Variants in SLC4A10 observed in about 807,000 individuals in gnomAD.
SLC4A10 encodes the protein solute carrier family 4 member 10.
SLC4A10 carries 42 observed loss-of-function variants against 137.7 expected under a neutral mutation model. The ratio of observed to expected loss-of-function variants is 0.30; its 90% CI spans 0.24 to 0.39. The LOEUF is 0.39. Ranked by LOEUF, SLC4A10 falls within the 10% of genes least tolerant of loss-of-function variation. The pLI is 1.00. For missense variants in SLC4A10, 925 were observed against 1,355.0 expected, an observed-to-expected ratio of 0.68 and a Z score of 4.98; for synonymous variants, 474 against 464.1, an observed-to-expected ratio of 1.02 and a Z score of -0.27.
chr2:161,866,327 C>G (rs2060746096), intron 6 of SLC4A10, among the ~76,000 whole-genome samples: 1 of 151,950 alleles, frequency 6.6e-6, no homozygotes, highest in Admixed American at 6.6e-5. Context: ...GTCTACCATT[C>G]TTTGTCCATT....
At chr2:161,766,744 T>TC (rs1487594653) in intron 1 of SLC4A10, among the ~76,000 whole-genome samples, 1 of 152,024 alleles carries the variant, frequency 6.6e-6, no homozygotes, top group Non-Finnish European at 1.5e-5. Flanking sequence ...GTTTTTTTTT[T>TC]CTGTTGCTTT....
intron 1 of SLC4A10, among the ~76,000 whole-genome samples, chr2:161,693,430 T>G (rs986894323): frequency 1.1e-4 from 16 of 152,094 alleles, no homozygotes; most frequent in African/African-American, 3.9e-4. Flanking sequence ...TTTAAACTGT[T>G]GTCTACTTCC....
chr2:161,853,745 T>C (rs2125850258), intron 4 of SLC4A10, among the ~76,000 whole-genome samples: 1 of 152,338 alleles, frequency 6.6e-6, no homozygotes, highest in Admixed American at 6.5e-5. Flanking sequence ...ATATGGCATA[T>C]CTATTCTTAC....
At chr2:161,861,098 C>T (rs979187828) in intron 5 of SLC4A10, among the ~76,000 whole-genome samples, 37 of 152,140 alleles carry the variant, frequency 2.4e-4, no homozygotes, top group African/African-American at 8.2e-4. Context: ...CCTACAATGC[C>T]TAAAATATTT....
chr2:161,815,378 C>G (rs1170050537), intron 3 of SLC4A10, among the ~76,000 whole-genome samples: 1 of 152,118 alleles, frequency 6.6e-6, no homozygotes, highest in Non-Finnish European at 1.5e-5. Flanking sequence ...TTTGCTCGCT[C>G]GCTCTTCTGC....
chr2:161,628,500 A>G (rs897476732), intron 1 of SLC4A10, among the ~76,000 whole-genome samples: 13 of 152,088 alleles, frequency 8.5e-5, no homozygotes, highest in African/African-American at 3.1e-4. Context: ...AAAAAGTTAT[A>G]AAAAGTCTTT....
intron 1 of SLC4A10, among the ~76,000 whole-genome samples, chr2:161,686,808 T>C (rs4404284): frequency 0.92 from 140,440 of 152,070 alleles, 64,889 homozygotes; most frequent in East Asian, 1. Context: ...AAGAGAATGG[T>C]TAGTCCGTAG....
intron 3 of SLC4A10, among the ~76,000 whole-genome samples, chr2:161,835,964 C>A (rs2058739698): frequency 6.6e-6 from 1 of 152,156 alleles, no homozygotes; most frequent in South Asian, 2.1e-4. Context: ...TGCTTTGAGT[C>A]CTGTTGATAG....
chr2:161,939,049 T>C (rs747239975), intron 15 of SLC4A10, among the ~76,000 whole-genome samples: 1 of 152,112 alleles, frequency 6.6e-6, no homozygotes, highest in Non-Finnish European at 1.5e-5. Context: ...TACTTTTTGC[T>C]CTTATAAATA....
At chr2:161,807,474 C>A (rs2056114157) in intron 3 of SLC4A10, among the ~76,000 whole-genome samples, 1 of 152,108 alleles carries the variant, frequency 6.6e-6, no homozygotes, top group South Asian at 2.1e-4. Flanking sequence ...CACTCCATCC[C>A]TGAAGTCACT....
At chr2:161,729,135 T>A (rs1370223332) in intron 1 of SLC4A10, among the ~76,000 whole-genome samples, 1 of 152,164 alleles carries the variant, frequency 6.6e-6, no homozygotes, top group Admixed American at 6.5e-5. Flanking sequence ...AGATGAGGAA[T>A]AAGGCAAAGA....
chr2:161,936,046 A>G (rs181746475), intron 15 of SLC4A10, among the ~76,000 whole-genome samples: 2 of 152,212 alleles, frequency 1.3e-5, no homozygotes, highest in Non-Finnish European at 1.5e-5. Context: ...AGATGATCAC[A>G]TGGTTTTTGT....
intron 9 of SLC4A10, among the ~76,000 whole-genome samples, chr2:161,880,294 T>A (rs979598732): frequency 6.6e-6 from 1 of 152,194 alleles, no homozygotes; most frequent in Non-Finnish European, 1.5e-5. Context: ...GTTCAGGTAC[T>A]GTATCAACTG....
At chr2:161,761,253 G>C (rs1229781251) in intron 1 of SLC4A10, among the ~76,000 whole-genome samples, 1 of 152,062 alleles carries the variant, frequency 6.6e-6, no homozygotes, top group Non-Finnish European at 1.5e-5. Context: ...CGGCAACAGA[G>C]AGATAGGATA....
intron 1 of SLC4A10, among the ~76,000 whole-genome samples, chr2:161,721,234 CTAGT>C (rs2045625769): frequency 6.6e-6 from 1 of 152,158 alleles, no homozygotes; most frequent in Admixed American, 6.5e-5. Context: ...ATGATGCTAG[CTAGT>C]TATTTTGTAG....
chr2:161,874,202 A>G (rs1251414871), intron 8 of SLC4A10, among the ~76,000 whole-genome samples, 197 bp downstream of exon 8: 1 of 152,190 alleles, frequency 6.6e-6, no homozygotes, highest in African/African-American at 2.4e-5. Flanking sequence ...TTAATTTCTG[A>G]TATTCTTAAT....
At chr2:161,885,407 T>G (rs1385650854) in intron 10 of SLC4A10, among the ~76,000 whole-genome samples, 2 of 152,190 alleles carry the variant, frequency 1.3e-5, no homozygotes, top group African/African-American at 4.8e-5. Flanking sequence ...TAAATATCCA[T>G]TGAGCTAAGT....
intron 10 of SLC4A10, among the ~76,000 whole-genome samples, chr2:161,894,079 T>G (rs1451696999): frequency 6.6e-6 from 1 of 151,886 alleles, no homozygotes; most frequent in Non-Finnish European, 1.5e-5. Context: ...AATATAGGAG[T>G]ATATGCATAG....
chr2:161,859,181 C>T (rs918427840), intron 5 of SLC4A10, among the ~76,000 whole-genome samples: 12 of 152,086 alleles, frequency 7.9e-5, no homozygotes, highest in African/African-American at 2.7e-4. Flanking sequence ...CCTCTAGGGG[C>T]TTTCATTCAA....
Sources: gnomAD v4.1 joint callset for allele counts (sites outside exome capture counted in the v4.1 genomes callset) on GRCh38, gnomAD v4.1.1 for gene constraint, MANE v1.5 for transcripts, NCBI Gene and HGNC (gene_info 2026-07-23, HGNC 2026-07-21) for gene names.